The following RGS6 variants were observed in gnomAD, a reference collection of about 807,000 sequenced individuals.
RGS6 encodes the protein regulator of G protein signaling 6.
A neutral mutation model predicts 78.5 loss-of-function variants in RGS6; 30 were observed. The ratio of observed to expected loss-of-function variants is 0.38; its 90% CI spans 0.29 to 0.52. The LOEUF is 0.52. RGS6 is among the 20% of genes least tolerant of loss of function. RGS6 has a pLI of 0.85. For missense variants in RGS6, 495 were observed against 609.7 expected (o/e 0.81, Z 1.98); for synonymous variants, 206 against 206.0 (o/e 1.00, Z 0.00).
At chr14:71,966,749 C>T (rs533360731) in intron 2 of RGS6, among the ~76,000 whole-genome samples, 3 of 152,310 alleles carry the variant, frequency 2.0e-5, no homozygotes, top group East Asian at 3.9e-4. Context: ...ATGAATATCT[C>T]TTTTTCTTTT....
chr14:71,882,308 T>TTGTATGTG, the RGS6 span, among the ~76,000 whole-genome samples: 1 of 152,216 alleles, frequency 6.6e-6, no homozygotes, highest in Non-Finnish European at 1.5e-5. Flanking sequence ...TAATATTCCA[T>TTGTATGTG]TGTATGTGTA....
intron 2 of RGS6, among the ~76,000 whole-genome samples, chr14:72,239,937 A>G (rs1180383145): frequency 2.0e-5 from 3 of 152,310 alleles, no homozygotes; most frequent in Middle Eastern, 3.4e-3. Context: ...GGATCTTTCA[A>G]ATGCTCACTA....
chr14:72,256,579 C>T (rs142792172), intron 2 of RGS6, among the ~76,000 whole-genome samples: 8 of 152,200 alleles, frequency 5.3e-5, no homozygotes, highest in African/African-American at 1.4e-4. Context: ...CTAACCTTGT[C>T]GCTTTTCATT....
At chr14:72,628,339 G>GT in the RGS6 span, among the ~76,000 whole-genome samples, 1 of 151,664 alleles carries the variant, frequency 6.6e-6, no homozygotes, top group Non-Finnish European at 1.5e-5. Flanking sequence ...TAACCACACT[G>GT]TTTTTTTAAA....
intron 2 of RGS6, among the ~76,000 whole-genome samples, chr14:72,228,685 C>G (rs967609651): frequency 1.3e-5 from 2 of 152,094 alleles, no homozygotes; most frequent in African/African-American, 4.8e-5. Context: ...GGAAGTGGAG[C>G]AGGCAGGTTA....
At position 72,261,252 on chromosome 14, in the gene RGS6, G is replaced by A. The variant is rs142053151; in HGVS notation, c.85-90843G>A. Among the ~76,000 whole-genome samples the A allele has an allele frequency of 5.9e-5, 9 of 152,268 alleles. No homozygotes were observed. In the South Asian group the frequency reaches 6.2e-4, roughly 11 times the overall value. The stretch of plus-strand genomic sequence containing the variant: ...ACGACCTGATGTAAGAAGATGTTCC[G>A]TTTCCTCACCACTGATGTCACTTCC... On this transcript the variant is annotated intron_variant, in intron 2 of 17. Coordinates refer to ENST00000553525, the MANE Select transcript of RGS6 (RefSeq NM_001204424.2).
chr14:72,013,245 T>C (rs1211786810), intron 2 of RGS6, among the ~76,000 whole-genome samples: 1 of 118,460 alleles, frequency 8.4e-6, no homozygotes, highest in Non-Finnish European at 1.6e-5. Flanking sequence ...CACTCCAGCC[T>C]AGGTGACAGA....
chr14:72,013,073 C>T (rs1317780474), intron 2 of RGS6, among the ~76,000 whole-genome samples: 1 of 151,864 alleles, frequency 6.6e-6, no homozygotes, highest in African/African-American at 2.4e-5. Context: ...GAGTTTGAGA[C>T]CAGCCTGACC....
At chr14:71,967,475 A>G (rs2093592725) in intron 2 of RGS6, among the ~76,000 whole-genome samples, 1 of 152,220 alleles carries the variant, frequency 6.6e-6, no homozygotes, top group Non-Finnish European at 1.5e-5. Flanking sequence ...TATCATCAGT[A>G]AGGGTTGGAT....
At chr14:72,100,946 T>G (rs185613429) in intron 2 of RGS6, among the ~76,000 whole-genome samples, 1 of 151,996 alleles carries the variant, frequency 6.6e-6, no homozygotes, top group Admixed American at 6.5e-5. Flanking sequence ...ATTGTTTGAG[T>G]TCAGGAGTTC....
At chr14:71,950,356 A>T (rs2092157327) in intron 1 of RGS6, among the ~76,000 whole-genome samples, 2 of 152,188 alleles carry the variant, frequency 1.3e-5, no homozygotes. Flanking sequence ...GTGCTGGGAG[A>T]CATGGCTAGC....
chr14:72,548,960 A>G (rs2283371), intron 17 of RGS6, among the ~76,000 whole-genome samples: 61,973 of 152,142 alleles, frequency 0.41, 13,319 homozygotes, highest in African/African-American at 0.54. Context: ...TTTCTACACC[A>G]GATCCCATGA....
chr14:72,469,984 T>G (rs1428120957), intron 7 of RGS6, 23 bp from the exon 8 acceptor site: 1 of 1,564,858 alleles, frequency 6.4e-7, no homozygotes, highest in Non-Finnish European at 8.8e-7. Flanking sequence ...AATGCCGCCT[T>G]GTTGATTTTC....
intron 12 of RGS6, 141 bp from the exon 13 acceptor site, chr14:72,495,011 T>C (rs935922409): frequency 6.6e-6 from 4 of 604,104 alleles, no homozygotes; most frequent in African/African-American, 1.9e-5. Flanking sequence ...AACAGTTTGA[T>C]GTGTCAGAAG....
At chr14:72,194,706 A>AG (rs2153725210) in intron 2 of RGS6, among the ~76,000 whole-genome samples, 1 of 152,274 alleles carries the variant, frequency 6.6e-6, no homozygotes, top group South Asian at 2.1e-4. Context: ...AGGTAAAAAA[A>AG]CAATAAGTGA....
At chr14:71,901,992 T>C in the RGS6 span, among the ~76,000 whole-genome samples, 1 of 152,212 alleles carries the variant, frequency 6.6e-6, no homozygotes, top group East Asian at 1.9e-4. Flanking sequence ...TTCTAGCCTT[T>C]GTAAAGATGT....
chr14:72,197,214 C>T (rs543592464), intron 2 of RGS6, among the ~76,000 whole-genome samples: 6 of 152,190 alleles, frequency 3.9e-5, no homozygotes, highest in South Asian at 4.2e-4. Flanking sequence ...TACAGGTGCA[C>T]GCCACCATGC....
chr14:72,153,123 G>A (rs1197174353), intron 2 of RGS6, among the ~76,000 whole-genome samples: 1 of 152,156 alleles, frequency 6.6e-6, no homozygotes, highest in Non-Finnish European at 1.5e-5. Context: ...TGGGACAGGA[G>A]TGGGAAATTA....
chr14:72,425,187 A>G (rs544008879), intron 3 of RGS6, among the ~76,000 whole-genome samples: 257 of 152,276 alleles, frequency 1.7e-3, no homozygotes, highest in Non-Finnish European at 3.1e-3. Context: ...CACCCAGGCT[A>G]GAGTGTAGTG....
Sources: gnomAD v4.1 joint callset for allele counts (sites outside exome capture counted in the v4.1 genomes callset) on GRCh38, gnomAD v4.1.1 for gene constraint, MANE v1.5 for transcripts, NCBI Gene and HGNC (gene_info 2026-07-23, HGNC 2026-07-21) for gene names.